SEMA3C: variants seen among roughly 807,000 people sequenced by gnomAD.
The protein encoded by SEMA3C is semaphorin-3C.
A neutral mutation model predicts 89.4 loss-of-function variants in SEMA3C; 47 were observed. That is an observed-to-expected ratio of 0.53 (90% CI 0.42 to 0.67). SEMA3C has a LOEUF of 0.67. SEMA3C is among the 30% of genes least tolerant of loss of function. The pLI is 0.00. For synonymous variants in SEMA3C, 310 were observed against 320.2 expected, an observed-to-expected ratio of 0.97 and a Z score of 0.34; for missense variants, 839 against 929.1, an observed-to-expected ratio of 0.90 and a Z score of 1.26.
chr7:80,900,751 G>A (rs1583992988), intron 2 of SEMA3C, among the ~76,000 whole-genome samples: 1 of 152,198 alleles, frequency 6.6e-6, no homozygotes, highest in African/African-American at 2.4e-5. Context: ...CTACTGGCCT[G>A]TAAATCGTGC....
chr7:80,813,091 G>A (rs62460722), intron 5 of SEMA3C, among the ~76,000 whole-genome samples: 4 of 151,138 alleles, frequency 2.6e-5, no homozygotes, highest in Non-Finnish European at 4.4e-5. Flanking sequence ...ACAGACATGA[G>A]CCACTGTGCC....
chr7:80,751,373 T>C (rs555316363), intron 15 of SEMA3C, 37 bp from the exon 16 acceptor site: 2 of 1,550,492 alleles, frequency 1.3e-6, no homozygotes, highest in Admixed American at 1.7e-5. Flanking sequence ...GACTGAGAAT[T>C]ATCACTGCCA....
intron 2 of SEMA3C, among the ~76,000 whole-genome samples, chr7:80,894,247 G>A (rs897639480): frequency 1.3e-5 from 2 of 151,902 alleles, no homozygotes; most frequent in African/African-American, 2.4e-5. Context: ...TAGAGACCTC[G>A]ATTTTTAAAG....
intron 1 of SEMA3C, among the ~76,000 whole-genome samples, chr7:80,917,817 C>T (rs2116264455): frequency 6.6e-6 from 1 of 152,152 alleles, no homozygotes; most frequent in East Asian, 1.9e-4. Context: ...TGCTGATCTT[C>T]ATTATTTGGC....
chr7:80,789,283 A>G (rs1218046835), intron 12 of SEMA3C, 23 bp downstream of exon 12: 8 of 1,587,746 alleles, frequency 5.0e-6, no homozygotes, highest in Non-Finnish European at 6.0e-6. Flanking sequence ...ACATTAAAGC[A>G]TATCTTGGGC....
intron 2 of SEMA3C, among the ~76,000 whole-genome samples, chr7:80,828,992 G>A (rs1288445943): frequency 6.6e-6 from 1 of 152,022 alleles, no homozygotes; most frequent in Non-Finnish European, 1.5e-5. Flanking sequence ...GTGAGACCTT[G>A]TCTCAACAAA....
In SEMA3C at chr7:80,744,738, A is replaced by G. The variant is rs572671127; in HGVS notation, c.*156T>C. 1 of 747,392 alleles carries G rather than the reference A, an allele frequency of 1.3e-6. No homozygotes were observed. The highest frequency in any genetic ancestry group is 2.6e-5 in the East Asian group (1 of 38,172). The allele number at this position is 747,392 out of a possible 1,614,324, so 46.3% of individuals were successfully genotyped here. On this transcript the variant is annotated 3_prime_UTR_variant, in exon 18 of 18. Coordinates refer to ENST00000265361, the MANE Select transcript of SEMA3C (RefSeq NM_006379.5). ...AGTGCTAGTCACTATCATACAAGAA[A>G]ATGCATGCTCATTTCAGTTCGTGTA...
intron 3 of SEMA3C, 66 bp downstream of exon 3, chr7:80,828,519 T>A: frequency 7.6e-7 from 1 of 1,310,148 alleles, no homozygotes; most frequent in Non-Finnish European, 1.0e-6. Flanking sequence ...TTTTTACTTA[T>A]TTATTTTTTT....
chr7:80,859,420 T>C (rs893253095), intron 2 of SEMA3C, among the ~76,000 whole-genome samples: 2 of 152,262 alleles, frequency 1.3e-5, no homozygotes, highest in African/African-American at 2.4e-5. Context: ...AGGATACCTG[T>C]TCTGCTCTAT....
At chr7:80,823,681 C>T (rs1450052728) in intron 4 of SEMA3C, among the ~76,000 whole-genome samples, 1 of 151,968 alleles carries the variant, frequency 6.6e-6, no homozygotes, top group Admixed American at 6.6e-5. Flanking sequence ...TGATATTCTA[C>T]AATTAATAAA....
At chr7:80,790,477 C>A (rs1788911308) in intron 11 of SEMA3C, among the ~76,000 whole-genome samples, 1 of 152,174 alleles carries the variant, frequency 6.6e-6, no homozygotes, top group African/African-American at 2.4e-5. Context: ...AATACCAACA[C>A]CTTAGAATGG....
At chr7:80,886,695 T>G (rs898639947) in intron 2 of SEMA3C, among the ~76,000 whole-genome samples, 3 of 152,164 alleles carry the variant, frequency 2.0e-5, no homozygotes, top group African/African-American at 7.2e-5. Context: ...AGCTCTCCCA[T>G]GACATATCAT....
chr7:80,814,214 A>G (rs112717996), intron 5 of SEMA3C, among the ~76,000 whole-genome samples: 2 of 151,428 alleles, frequency 1.3e-5, no homozygotes, highest in African/African-American at 4.9e-5. Flanking sequence ...CCAGCCTCCC[A>G]AGTAGCTGGG....
intron 15 of SEMA3C, among the ~76,000 whole-genome samples, chr7:80,756,721 C>T (rs1385984750): frequency 2.6e-5 from 4 of 152,126 alleles, no homozygotes; most frequent in Non-Finnish European, 5.9e-5. Context: ...GATTTCTGGT[C>T]CCTCTTCCTG....
At chr7:80,852,036 T>C (rs1200147569) in intron 2 of SEMA3C, among the ~76,000 whole-genome samples, 2 of 152,210 alleles carry the variant, frequency 1.3e-5, no homozygotes, top group Non-Finnish European at 2.9e-5. Flanking sequence ...TGCCTGAGCT[T>C]GTTACTCTTA....
intron 4 of SEMA3C, among the ~76,000 whole-genome samples, chr7:80,824,597 A>G (rs778547960): frequency 6.6e-6 from 1 of 152,130 alleles, no homozygotes. Context: ...AATCTATCAA[A>G]CCTTTCTTAA....
intron 5 of SEMA3C, among the ~76,000 whole-genome samples, chr7:80,816,983 T>C (rs901850987): frequency 2.6e-5 from 4 of 152,198 alleles, no homozygotes; most frequent in Non-Finnish European, 4.4e-5. Context: ...CTGCACAGAC[T>C]TCAGGGAAGT....
At chr7:80,904,536 G>A (rs1261474967) in intron 2 of SEMA3C, among the ~76,000 whole-genome samples, 3 of 152,182 alleles carry the variant, frequency 2.0e-5, no homozygotes, top group Non-Finnish European at 4.4e-5. Context: ...CCACTACACT[G>A]ATGATGATTT....
rs2117053154 is a variant in SEMA3C at position 80,761,632 on chromosome 7, T to G, written c.1469A>C (p.Lys490Thr). 1 of 1,345,278 alleles carries G rather than the reference T, an allele frequency of 7.4e-7. No homozygotes were observed. The highest frequency in any genetic ancestry group is 2.5e-5 in the East Asian group (1 of 40,808). The allele number at this position is 1,345,278 out of a possible 1,614,324, so 83.3% of individuals were successfully genotyped here. Residue 490 changes from lysine to threonine, a missense_variant, in exon 14 of 18, where the codon AAA becomes ACA. By Grantham distance (78) the Lys-to-Thr change is moderately conservative (BLOSUM62 -1). Transcript: ENST00000265361. ...AGTTTTTACCTTTTTAGATGAAATT[T>G]TCATTGTTGTTATAGGAGCATGATT... is the stretch of plus-strand genomic sequence containing the variant. ...FKNHAPITTM[K>T]ISSKKQQLYV...
Sources: allele counts gnomAD v4.1 joint callset (sites outside exome capture counted in the v4.1 genomes callset), GRCh38; gene constraint gnomAD v4.1.1; transcripts MANE v1.5; gene names NCBI Gene and HGNC (gene_info 2026-07-23, HGNC 2026-07-21).